The following SCUBE1 variants were observed in gnomAD, a reference collection of about 807,000 sequenced individuals.
SCUBE1 encodes signal peptide, CUB and EGF-like domain-containing protein 1.
In SCUBE1, 59 loss-of-function variants were observed where a neutral mutation model predicts 124.4. The ratio of observed to expected loss-of-function variants is 0.47; its 90% CI spans 0.38 to 0.59. The LOEUF (loss-of-function observed/expected upper bound fraction) is 0.59. Among genes scored for constraint, SCUBE1 ranks in the 20% least tolerant of loss-of-function variants. The pLI, the probability that SCUBE1 is intolerant of heterozygous loss-of-function variation, is 0.00. For synonymous variants in SCUBE1, 545 were observed against 550.9 expected (o/e 0.99, Z 0.15); for missense variants, 1,150 against 1,371.2 (o/e 0.84, Z 2.55).
chr22:43,342,400 C>T (rs1385404153), intron 1 of SCUBE1, among the ~76,000 whole-genome samples: 15 of 152,056 alleles, frequency 9.9e-5, no homozygotes, highest in Non-Finnish European at 2.2e-4. Flanking sequence ...CTCTGCCTTC[C>T]TTCCCTCTGT....
At chr22:43,249,633 T>A (rs1403086109) in intron 6 of SCUBE1, among the ~76,000 whole-genome samples, 1 of 152,218 alleles carries the variant, frequency 6.6e-6, no homozygotes, top group Non-Finnish European at 1.5e-5. Context: ...TTCCAGCTCC[T>A]TTGAGCCTGG....
Position 43,198,447 on chromosome 22 carries a change from C to T in SCUBE1, c.*5550G>A. ...GCAAGGCAGGTGGGATCAGGCCAAC[C>T]CCAGCTCTGCCTGCCCAGGACTTAC... On this transcript the variant is annotated 3_prime_UTR_variant, in exon 22 of 22. Transcript: ENST00000360835. The T allele has an allele frequency of 2.4e-6, 1 of 420,298 alleles. No homozygotes were observed. The highest frequency in any genetic ancestry group is 1.7e-5 in the South Asian group (1 of 57,168). 26.0% of individuals were successfully genotyped at this position (420,298 alleles called of 1,614,324 possible). A position where few individuals can be genotyped will look rare whatever the true frequency, so the allele number is the denominator to read the frequency against.
chr22:43,322,024 G>A (rs948856947), intron 2 of SCUBE1, among the ~76,000 whole-genome samples: 25 of 151,586 alleles, frequency 1.6e-4, no homozygotes, highest in Admixed American at 1.4e-3. Context: ...TCCCTCTGTC[G>A]CCCAGGCTGG....
intron 3 of SCUBE1, among the ~76,000 whole-genome samples, chr22:43,296,944 G>A (rs551240302): frequency 6.6e-6 from 1 of 152,352 alleles, no homozygotes; most frequent in South Asian, 2.1e-4. Flanking sequence ...CTCCCCGTGA[G>A]CTGTGAACTC....
intron 4 of SCUBE1, among the ~76,000 whole-genome samples, chr22:43,289,653 C>T (rs1470642260): frequency 6.6e-6 from 1 of 152,230 alleles, no homozygotes; most frequent in Non-Finnish European, 1.5e-5. Context: ...ACCTCACAGC[C>T]TCCTGCCTGC....
chr22:43,268,189 G>A (rs1172094020), intron 4 of SCUBE1, among the ~76,000 whole-genome samples: 3 of 152,234 alleles, frequency 2.0e-5, no homozygotes, highest in East Asian at 3.9e-4. Flanking sequence ...CCCAGGCCCA[G>A]AGCAGGCTTC....
chr22:43,313,500 A>G (rs1281448270), intron 3 of SCUBE1, among the ~76,000 whole-genome samples: 1 of 152,266 alleles, frequency 6.6e-6, no homozygotes, highest in Admixed American at 6.5e-5. Flanking sequence ...GATGAAAACA[A>G]TCTTATTCTA....
chr22:43,237,990 G>T (rs112060084), intron 7 of SCUBE1: 1,948 of 152,650 alleles, frequency 0.013, 29 homozygotes, highest in African/African-American at 0.034. Context: ...AGGGCCCACA[G>T]CTTCTTGGGG....
At chr22:43,311,461 C>T (rs1926166469) in intron 3 of SCUBE1, among the ~76,000 whole-genome samples, 1 of 150,762 alleles carries the variant, frequency 6.6e-6, no homozygotes, top group Non-Finnish European at 1.5e-5. Context: ...CACTCTGTCG[C>T]CCAGGCTGGA....
At chr22:43,217,838 A>G (rs1240801582) in intron 15 of SCUBE1, among the ~76,000 whole-genome samples, 2 of 152,168 alleles carry the variant, frequency 1.3e-5, no homozygotes, top group African/African-American at 4.8e-5. Context: ...CCTAGGCCTC[A>G]CGACATCCCT....
At chr22:43,217,374 T>A (rs1383127694) in intron 15 of SCUBE1, among the ~76,000 whole-genome samples, 1 of 143,608 alleles carries the variant, frequency 7.0e-6, no homozygotes, top group Non-Finnish European at 1.5e-5. Flanking sequence ...CCACTCTTCC[T>A]CAAATCCTTG....
At chr22:43,291,995 C>T (rs953702271) in intron 3 of SCUBE1, among the ~76,000 whole-genome samples, 1 of 152,202 alleles carries the variant, frequency 6.6e-6, no homozygotes, top group South Asian at 2.1e-4. Flanking sequence ...GCCAGACCCC[C>T]CACTCTAGGA....
At chr22:43,238,529 A>G in intron 7 of SCUBE1, 1 of 590,162 alleles carries the variant, frequency 1.7e-6, no homozygotes, top group Non-Finnish European at 3.0e-6. Context: ...CCCACAGTAG[A>G]GACGCTGGCT....
chr22:43,229,021 G>C, intron 9 of SCUBE1, 51 bp downstream of exon 9: 1 of 1,375,738 alleles, frequency 7.3e-7, no homozygotes. Flanking sequence ...TGGCCGTGCG[G>C]CCAGGCGCGT....
At chr22:43,274,907 T>C (rs113891563) in intron 4 of SCUBE1, among the ~76,000 whole-genome samples, 13 of 152,184 alleles carry the variant, frequency 8.5e-5, no homozygotes, top group African/African-American at 3.1e-4. Context: ...AAGGGGCTCA[T>C]GGGCTCGGGG....
intron 6 of SCUBE1, among the ~76,000 whole-genome samples, chr22:43,245,688 G>A (rs1923183006): frequency 6.6e-6 from 1 of 152,196 alleles, no homozygotes; most frequent in Non-Finnish European, 1.5e-5. Flanking sequence ...ACACAGCCCC[G>A]TGACTCTGAG....
intron 16 of SCUBE1, 22 bp downstream of exon 16, chr22:43,214,068 C>G (rs1259798523): frequency 1.5e-6 from 1 of 683,718 alleles, no homozygotes; most frequent in Non-Finnish European, 2.3e-6. Context: ...ACCCCCACCT[C>G]TCCTTCTAGG....
chr22:43,245,277 A>G (rs1008874721), intron 6 of SCUBE1, among the ~76,000 whole-genome samples: 6 of 152,228 alleles, frequency 3.9e-5, no homozygotes, highest in South Asian at 2.1e-4. Context: ...GGTGGAGGGA[A>G]CTTGACACCC....
At chr22:43,229,679 G>T (rs1393805406) in intron 8 of SCUBE1, among the ~76,000 whole-genome samples, 1 of 152,108 alleles carries the variant, frequency 6.6e-6, no homozygotes, top group African/African-American at 2.4e-5. Flanking sequence ...AACCACACAG[G>T]TAAAAAGAGA....
Sources: allele counts gnomAD v4.1 joint callset (sites outside exome capture counted in the v4.1 genomes callset), GRCh38; gene constraint gnomAD v4.1.1; transcripts MANE v1.5; gene names NCBI Gene and HGNC (gene_info 2026-07-23, HGNC 2026-07-21).